Variants in ADAMTSL1 observed in about 807,000 individuals in gnomAD.
The protein encoded by ADAMTSL1 is ADAMTS like 1.
ADAMTSL1 carries 126 observed loss-of-function variants against 201.8 expected under a neutral mutation model. The observed-to-expected ratio is 0.62, with a 90% CI of 0.54 to 0.72. The LOEUF (loss-of-function observed/expected upper bound fraction) is 0.72, where lower values mean the gene tolerates loss of function less well. Among genes scored for constraint, ADAMTSL1 ranks in the 30% least tolerant of loss-of-function variants. The probability of loss-of-function intolerance (pLI) is 0.00; values close to 1 mark genes in which losing one functional copy is unlikely to be tolerated. For synonymous variants in ADAMTSL1, 1,121 were observed against 903.4 expected (o/e 1.24, Z -4.32); for missense variants, 2,679 against 2,277.8 (o/e 1.18, Z -3.59).
chr9:18,617,051 C>G (rs1825739537), intron 4 of ADAMTSL1, among the ~76,000 whole-genome samples: 2 of 152,158 alleles, frequency 1.3e-5, no homozygotes, highest in African/African-American at 4.8e-5. Context: ...CCATATTTGT[C>G]TTTCCCAGTG....
At chr9:18,569,687 C>G (rs1188761324) in intron 3 of ADAMTSL1, among the ~76,000 whole-genome samples, 2 of 152,160 alleles carry the variant, frequency 1.3e-5, no homozygotes. Context: ...GCATTTGGTC[C>G]ATATAACTAC....
At chr9:18,772,773 C>T (rs1050626613) in intron 17 of ADAMTSL1, among the ~76,000 whole-genome samples, 2 of 152,204 alleles carry the variant, frequency 1.3e-5, no homozygotes, top group Non-Finnish European at 2.9e-5. Flanking sequence ...GAAGCACTCA[C>T]CATGGCTGGC....
intron 26 of ADAMTSL1, among the ~76,000 whole-genome samples, chr9:18,895,655 C>T (rs1829583184): frequency 1.0e-5 from 1 of 99,186 alleles, no homozygotes; most frequent in African/African-American, 4.9e-5. Context: ...GGCCCATACA[C>T]ACCACATAAA....
In ADAMTSL1 at chr9:18,325,658, A is replaced by G. The variant is rs150054941; in HGVS notation, c.207+161677A>G. Among the ~76,000 whole-genome samples, 571 of 152,230 alleles carry G rather than the reference A, an allele frequency of 3.8e-3. 3 individuals are homozygous for G. The highest frequency in any genetic ancestry group is 0.014 in the Middle Eastern group (4 of 294). On this transcript the variant is annotated intron_variant, in intron 2 of 29. Transcript: ENST00000680146. ...CTAGCCTCTGATCTGGTGAGAGAGTATCCTTGCTGCATTCTCACATGGCAG... is the reference window on the plus strand; with the variant it reads ...CTAGCCTCTGATCTGGTGAGAGAGTGTCCTTGCTGCATTCTCACATGGCAG...
At chr9:18,475,808 G>A (rs1821420396) in intron 1 of ADAMTSL1, among the ~76,000 whole-genome samples, 1 of 151,878 alleles carries the variant, frequency 6.6e-6, no homozygotes, top group East Asian at 1.9e-4. Flanking sequence ...CAAATTACCA[G>A]TATACATTAC....
At chr9:18,487,199 C>T (rs993968471) in intron 1 of ADAMTSL1, among the ~76,000 whole-genome samples, 1 of 152,180 alleles carries the variant, frequency 6.6e-6, no homozygotes, top group Non-Finnish European at 1.5e-5. Flanking sequence ...TTAAATGTCA[C>T]ATAAACTCTT....
rs149521091 is a variant in ADAMTSL1, at chr9:18,045,869, T to C, written c.88-117993T>C. Among the ~76,000 whole-genome samples the C allele has an allele frequency of 6.6e-3, 1,012 of 152,182 alleles. 5 individuals are homozygous for C. Among genetic ancestry groups the C allele is most frequent in the Middle Eastern group, 0.037 (11 of 294 alleles). On this transcript the variant is annotated intron_variant, in intron 1 of 29. Transcript: ENST00000680146. ...CAATATATTAACATTTTCATCTCAA[T>C]TGACAATTTTGGAGCAAAAAAAATT...
At chr9:18,602,610 C>T (rs1376957132) in intron 4 of ADAMTSL1, among the ~76,000 whole-genome samples, 5 of 152,198 alleles carry the variant, frequency 3.3e-5, no homozygotes, top group Non-Finnish European at 5.9e-5. Flanking sequence ...ATCTCACCTC[C>T]TCCATCAACC....
intron 13 of ADAMTSL1, among the ~76,000 whole-genome samples, chr9:18,706,347 AG>A (rs1233289685): frequency 4.6e-5 from 7 of 152,316 alleles, no homozygotes; most frequent in African/African-American, 1.7e-4. Flanking sequence ...TTGGTTTGAC[AG>A]GATCTGGCCG....
At position 18,777,697 on chromosome 9, in the gene ADAMTSL1, C is replaced by G; in HGVS notation, c.3468C>G (p.Gly1156=). ...CCTCCACCGGGGACGCCGGGGGAGGCTCTCGAAGGCCACACCGCAAGCCCA... is the reference window on the plus strand; with the variant it reads ...CCTCCACCGGGGACGCCGGGGGAGGGTCTCGAAGGCCACACCGCAAGCCCA... ...RTSSTGDAGG[G]SRRPHRKPTI... The change falls in exon 19 of 29, where the codon GGC becomes GGG. Residue 1156 remains glycine, a synonymous_variant. Transcript: ENST00000380548. The G allele has an allele frequency of 1.2e-6, 2 of 1,613,362 alleles. No homozygotes were observed. Among genetic ancestry groups the G allele is most frequent in the Non-Finnish European group, 1.7e-6 (2 of 1,179,666 alleles).
At chr9:18,441,266 C>A (rs998268903) in intron 2 of ADAMTSL1, among the ~76,000 whole-genome samples, 4 of 152,084 alleles carry the variant, frequency 2.6e-5, no homozygotes, top group African/African-American at 4.8e-5. Flanking sequence ...CTGCATTGTA[C>A]ACTTTAATTC....
chr9:18,747,100 A>T (rs1217397118), intron 15 of ADAMTSL1, among the ~76,000 whole-genome samples: 3 of 152,140 alleles, frequency 2.0e-5, no homozygotes, highest in Non-Finnish European at 2.9e-5. Flanking sequence ...AGCATTTGCC[A>T]CTCAGGTCTA....
intron 1 of ADAMTSL1, among the ~76,000 whole-genome samples, chr9:18,499,421 C>G (rs1301482559): frequency 6.6e-6 from 1 of 152,154 alleles, no homozygotes; most frequent in Non-Finnish European, 1.5e-5. Flanking sequence ...GTTAAAGAAG[C>G]CAAGGATTAG....
intron 2 of ADAMTSL1, among the ~76,000 whole-genome samples, chr9:18,271,417 C>T (rs1469082922): frequency 6.6e-6 from 1 of 152,006 alleles, no homozygotes; most frequent in East Asian, 1.9e-4. Context: ...TGAGTGAGAA[C>T]ATGCAGTGTT....
intron 13 of ADAMTSL1, among the ~76,000 whole-genome samples, chr9:18,687,575 C>A (rs1830911381): frequency 2.6e-5 from 4 of 152,152 alleles, no homozygotes; most frequent in Admixed American, 2.6e-4. Flanking sequence ...TCATTTATTT[C>A]CGTATATGGA....
chr9:18,844,591 C>T (rs966522884), intron 23 of ADAMTSL1, among the ~76,000 whole-genome samples: 1 of 152,214 alleles, frequency 6.6e-6, no homozygotes, highest in African/African-American at 2.4e-5. Context: ...ACACTTAAGT[C>T]TGCAGAGGTT....
chr9:18,896,354 C>T (rs1014470387), intron 26 of ADAMTSL1, among the ~76,000 whole-genome samples: 2 of 152,142 alleles, frequency 1.3e-5, no homozygotes, highest in African/African-American at 2.4e-5. Flanking sequence ...TTCTCAATAA[C>T]TTTATAAACT....
intron 4 of ADAMTSL1, among the ~76,000 whole-genome samples, chr9:18,583,520 G>A (rs117444542): frequency 0.092 from 14,050 of 152,088 alleles, 824 homozygotes; most frequent in Middle Eastern, 0.15. Context: ...ATGTGAGGTC[G>A]GAGCCTCCAC....
At chr9:17,987,033 A>G (rs958563575) in intron 1 of ADAMTSL1, among the ~76,000 whole-genome samples, 9 of 152,140 alleles carry the variant, frequency 5.9e-5, no homozygotes, top group African/African-American at 2.2e-4. Context: ...AAGAGTTCCC[A>G]CTAATCCCTT....
Sources: gnomAD v4.1 joint callset for allele counts (sites outside exome capture counted in the v4.1 genomes callset) on GRCh38, gnomAD v4.1.1 for gene constraint, MANE v1.5 for transcripts, NCBI Gene and HGNC (gene_info 2026-07-23, HGNC 2026-07-21) for gene names.